Variants in CS observed in about 807,000 individuals in gnomAD.
CS encodes the protein citrate synthase, mitochondrial.
Under a neutral mutation model 61.4 loss-of-function variants are expected in CS, and 13 were observed. That is an observed-to-expected ratio of 0.21 (90% CI 0.14 to 0.34). CS has a LOEUF of 0.34. Ranked by LOEUF, CS falls within the 10% of genes least tolerant of loss-of-function variation. CS has a pLI of 1.00. For synonymous variants in CS, 159 were observed against 215.2 expected, an observed-to-expected ratio of 0.74 and a Z score of 2.29; for missense variants, 278 against 573.4, an observed-to-expected ratio of 0.48 and a Z score of 5.26.
chr12:56,275,452 A>G, intron 7 of CS: 1 of 268,468 alleles, frequency 3.7e-6, no homozygotes, highest in Non-Finnish European at 7.3e-6. Flanking sequence ...ACACATCTGT[A>G]GTCCTAGCTA....
intron 4 of CS, 35 bp from the exon 5 acceptor site, chr12:56,283,026 T>C (rs1482641407): frequency 3.1e-6 from 5 of 1,612,470 alleles, no homozygotes; most frequent in Non-Finnish European, 4.2e-6. Flanking sequence ...CAACTCAAGT[T>C]TATAGCCTAG....
intron 6 of CS, among the ~76,000 whole-genome samples, chr12:56,280,425 C>CAAAA (rs368203816): frequency 8.4e-6 from 1 of 118,788 alleles, no homozygotes; most frequent in Non-Finnish European, 1.6e-5. Context: ...CCAAAAAAAA[C>CAAAA]AAAAAAAAAA....
chr12:56,284,622 C>A (rs1197070147), intron 3 of CS, among the ~76,000 whole-genome samples: 2 of 148,200 alleles, frequency 1.3e-5, no homozygotes, highest in African/African-American at 5.0e-5. Context: ...GGGGTTTAGG[C>A]CGGGTGCAGT....
At chr12:56,295,139 C>G (rs1040021314) in intron 1 of CS, among the ~76,000 whole-genome samples, 1 of 151,468 alleles carries the variant, frequency 6.6e-6, no homozygotes, top group Non-Finnish European at 1.5e-5. Context: ...TGTTGCCAGG[C>G]TGATCTCAAA....
intron 6 of CS, among the ~76,000 whole-genome samples, chr12:56,278,276 G>T (rs1872680087): frequency 6.6e-6 from 1 of 152,104 alleles, no homozygotes; most frequent in Admixed American, 6.5e-5. Flanking sequence ...GATTACAGGC[G>T]TGCGCCACCA....
intron 10 of CS, 101 bp downstream of exon 10, chr12:56,273,482 TGAGG>T: frequency 8.3e-7 from 1 of 1,203,288 alleles, no homozygotes; most frequent in Non-Finnish European, 1.2e-6. Flanking sequence ...AAATGCTCTG[TGAGG>T]GAAGTCCCTG....
At chr12:56,282,003 C>T (rs1400528568) in intron 6 of CS, among the ~76,000 whole-genome samples, 1 of 152,086 alleles carries the variant, frequency 6.6e-6, no homozygotes, top group Non-Finnish European at 1.5e-5. Context: ...GGATTACAGG[C>T]GCCCGGCATC....
intron 1 of CS, among the ~76,000 whole-genome samples, chr12:56,295,412 T>C (rs946237347): frequency 1.3e-5 from 2 of 151,374 alleles, no homozygotes; most frequent in South Asian, 2.1e-4. Context: ...TCCCAGCTAC[T>C]AGGGAGGCTG....
chr12:56,294,669 C>T (rs545111996), intron 1 of CS, among the ~76,000 whole-genome samples: 3 of 150,230 alleles, frequency 2.0e-5, no homozygotes, highest in Admixed American at 1.3e-4. Context: ...TGGGTTCAAG[C>T]GATTCTCCTG....
chr12:56,284,687 G>A (rs374522720), intron 3 of CS, among the ~76,000 whole-genome samples: 6 of 40,934 alleles, frequency 1.5e-4, no homozygotes, highest in African/African-American at 4.2e-4. Context: ...AGATCACGAC[G>A]TCAGGATATC....
chr12:56,292,773 G>A (rs938244980), intron 1 of CS, among the ~76,000 whole-genome samples: 3 of 150,796 alleles, frequency 2.0e-5, no homozygotes, highest in African/African-American at 4.9e-5. Flanking sequence ...GCGTCATGGC[G>A]GGCGCCTGTA....
intron 1 of CS, among the ~76,000 whole-genome samples, chr12:56,296,076 T>G (rs1310959897): frequency 6.6e-6 from 1 of 150,562 alleles, no homozygotes; most frequent in Admixed American, 6.6e-5. Flanking sequence ...AATCTGAAGG[T>G]AGGATCCAGG....
At chr12:56,293,433 C>T (rs971407324) in intron 1 of CS, among the ~76,000 whole-genome samples, 2 of 152,062 alleles carry the variant, frequency 1.3e-5, no homozygotes, top group African/African-American at 4.8e-5. Context: ...AATTAGAAAA[C>T]AGGCTGGACA....
chr12:56,290,921 G>C (rs1198393733), intron 1 of CS, among the ~76,000 whole-genome samples: 2 of 152,184 alleles, frequency 1.3e-5, no homozygotes, highest in African/African-American at 4.8e-5. Flanking sequence ...CTCGCCAGAA[G>C]TATTTACATT....
intron 1 of CS, among the ~76,000 whole-genome samples, chr12:56,289,462 A>G (rs1231716087): frequency 6.7e-6 from 1 of 149,706 alleles, no homozygotes; most frequent in Non-Finnish European, 1.5e-5. Context: ...TTTTTTTTTG[A>G]GACGGAGTCC....
In CS at chr12:56,299,061, A is replaced by G. The variant is rs567364910; in HGVS notation, c.42+1099T>C. ...TGTCTCAAAAAAAAAAAAAAATTAC[A>G]TACAGCAAGCCAAAACCATCCTAAG... is the stretch of plus-strand genomic sequence containing the variant. On this transcript the variant is annotated intron_variant, in intron 1 of 10. Coordinates refer to ENST00000351328, the MANE Select transcript of CS (RefSeq NM_004077.3). Among the ~76,000 whole-genome samples the G allele has an allele frequency of 3.6e-4, 55 of 151,836 alleles. No homozygotes were observed. In the South Asian group the frequency reaches 0.011, roughly 31 times the overall value.
Position 56,275,070 on chromosome 12 carries a change from C to T in CS, c.850G>A (p.Asp284Asn), listed in dbSNP as rs771209778. The change falls in exon 8 of 11, where the codon GAC (aspartate) becomes AAC (asparagine). Residue 284 changes from aspartate (D) to asparagine (N), a missense_variant. Asp to Asn is a conservative substitution (Grantham distance 23). Transcript: ENST00000351328. ...TSHLVGSALS[D>N]PYLSFAAAMN... ...GCTGCTGCAAAGGACAGGTAAGGGT[C>T]GGAAAGGGCACTGCCCACCAAATGG... 1 of 1,614,136 alleles carries T rather than the reference C, an allele frequency of 6.2e-7. No individual in the cohort carries two copies. Among genetic ancestry groups the T allele is most frequent in the Non-Finnish European group, 8.5e-7 (1 of 1,180,032 alleles).
At chr12:56,292,503 A>C (rs1202791770) in intron 1 of CS, among the ~76,000 whole-genome samples, 1 of 152,018 alleles carries the variant, frequency 6.6e-6, no homozygotes. Context: ...GGGTGGATGC[A>C]TCAGGGTATA....
chr12:56,296,580 T>C (rs1258029331), intron 1 of CS, among the ~76,000 whole-genome samples: 1 of 152,224 alleles, frequency 6.6e-6, no homozygotes, highest in Non-Finnish European at 1.5e-5. Flanking sequence ...TCCTACTCTG[T>C]TGCATAAAGT....
Sources: allele counts gnomAD v4.1 joint callset (sites outside exome capture counted in the v4.1 genomes callset), GRCh38; gene constraint gnomAD v4.1.1; transcripts MANE v1.5; gene names NCBI Gene and HGNC (gene_info 2026-07-23, HGNC 2026-07-21).